The following SPAG1 variants were observed in gnomAD, a reference collection of about 807,000 sequenced individuals.
SPAG1 encodes the protein sperm-associated antigen 1.
In SPAG1, 69 loss-of-function variants were observed where a neutral mutation model predicts 100.5. The observed-to-expected ratio is 0.69, with a 90% CI of 0.57 to 0.84. SPAG1 has a LOEUF of 0.84. SPAG1 is among the 40% of genes least tolerant of loss of function. The pLI is 0.00. For missense variants in SPAG1, 955 were observed against 1,133.1 expected (o/e 0.84, Z 2.26); for synonymous variants, 336 against 411.6 (o/e 0.82, Z 2.22).
At chr8:100,159,928 GA>G (rs921979180) in intron 1 of SPAG1, among the ~76,000 whole-genome samples, 1 of 152,166 alleles carries the variant, frequency 6.6e-6, no homozygotes, top group Non-Finnish European at 1.5e-5. Context: ...TATCCTTTAT[GA>G]GAGAGGTTTT....
At chr8:100,207,592 C>T (rs971274948) in intron 10 of SPAG1, among the ~76,000 whole-genome samples, 1 of 152,188 alleles carries the variant, frequency 6.6e-6, no homozygotes, top group Non-Finnish European at 1.5e-5. Context: ...GAGAAATGGC[C>T]AGATGTGTGA....
At chr8:100,231,049 G>A in intron 14 of SPAG1, 107 bp from the exon 15 acceptor site, 1 of 913,376 alleles carries the variant, frequency 1.1e-6, no homozygotes, top group Non-Finnish European at 1.6e-6. Flanking sequence ...CCTGCATGCT[G>A]TGTGGTCAAG....
intron 14 of SPAG1, among the ~76,000 whole-genome samples, chr8:100,227,091 T>C (rs920463880): frequency 6.6e-6 from 1 of 152,254 alleles, no homozygotes; most frequent in Non-Finnish European, 1.5e-5. Context: ...TCTAGGTTTG[T>C]GTAACCACAC....
At chr8:100,220,542 C>A in intron 13 of SPAG1, 111 bp downstream of exon 13, 1 of 862,420 alleles carries the variant, frequency 1.2e-6, no homozygotes, top group Non-Finnish European at 1.8e-6. Flanking sequence ...ACTTTTATCA[C>A]CTGAATGATT....
In SPAG1 at chr8:100,233,470, C is replaced by G; in HGVS notation, c.2048C>G (p.Ala683Gly). The change falls in exon 16 of 19, where the codon GCA (alanine) becomes GGA (glycine). Residue 683 changes from alanine to glycine, a missense_variant. Coordinates refer to ENST00000388798, the MANE Select transcript of SPAG1 (RefSeq NM_003114.5). The stretch of plus-strand genomic sequence containing the variant: ...GAAGCAAAGCAGGACTGTGATCAGG[C>G]ACTTCAGCTAGCTGATGGGAACGTG... ...FEEAKQDCDQ[A>G]LQLADGNVKA... The G allele has an allele frequency of 6.2e-7, 1 of 1,614,000 alleles. No homozygotes were observed. The highest frequency in any genetic ancestry group is 8.5e-7 in the Non-Finnish European group (1 of 1,179,894).
In SPAG1 at chr8:100,187,159, TC is replaced by T; in HGVS notation, c.742del (p.Arg248GlufsTer24). On this transcript the variant is annotated frameshift_variant, in exon 8 of 19. Coordinates refer to ENST00000388798, the MANE Select transcript of SPAG1 (RefSeq NM_003114.5). LOFTEE classifies it high-confidence loss of function. Reference sequence around the variant, plus strand: ...TTCCCACTGTAGTTGCCTATAACAATCGAGCTCAAGCAGAAATCAAATTACA... The same window carrying T: ...TTCCCACTGTAGTTGCCTATAACAATGAGCTCAAGCAGAAATCAAATTACA... ...ALPTVVAYNNRAQAEIKLQNW... is the reference protein window; with the variant it reads ...ALPTVVAYNNXAQAEIKLQNW... The T allele has an allele frequency of 6.2e-7, 1 of 1,613,094 alleles. No homozygotes were observed. The highest frequency in any genetic ancestry group is 8.5e-7 in the Non-Finnish European group (1 of 1,179,422).
intron 16 of SPAG1, among the ~76,000 whole-genome samples, chr8:100,236,399 C>T (rs1217705111): frequency 6.6e-6 from 1 of 152,172 alleles, no homozygotes; most frequent in Non-Finnish European, 1.5e-5. Context: ...CCACTTTGGC[C>T]TCTCAAAATG....
At chr8:100,177,739 A>G in intron 3 of SPAG1, 77 bp from the exon 4 acceptor site, 1 of 859,166 alleles carries the variant, frequency 1.2e-6, no homozygotes, top group South Asian at 2.3e-5. Flanking sequence ...ATATTGTTCA[A>G]GGGTCAACTA....
chr8:100,203,129 G>A (rs1285077853), intron 10 of SPAG1, among the ~76,000 whole-genome samples: 1 of 152,168 alleles, frequency 6.6e-6, no homozygotes. Flanking sequence ...ATATAAGCAG[G>A]CAGAAAAACA....
At chr8:100,172,534 C>T (rs562246280) in intron 3 of SPAG1, among the ~76,000 whole-genome samples, 1 of 152,086 alleles carries the variant, frequency 6.6e-6, no homozygotes, top group African/African-American at 2.4e-5. Context: ...GCATGAGAAT[C>T]ACTTGAACCC....
intron 15 of SPAG1, among the ~76,000 whole-genome samples, chr8:100,232,320 C>T (rs1818812014): frequency 6.6e-6 from 1 of 152,024 alleles, no homozygotes; most frequent in Non-Finnish European, 1.5e-5. Context: ...CTTTTCTTTC[C>T]CTAGAATTCT....
intron 10 of SPAG1, among the ~76,000 whole-genome samples, chr8:100,207,357 C>T (rs531178295): frequency 1.3e-5 from 2 of 152,312 alleles, no homozygotes; most frequent in Non-Finnish European, 2.9e-5. Flanking sequence ...CCAGCCTGCA[C>T]CGATGGCCTC....
In SPAG1 at chr8:100,161,824, C is replaced by T. The variant is rs548253018; in HGVS notation, c.-2-455C>T. ...ATTAAAAGAAGTTAATCACTTATGTCTTTAGATGAATGCACGCTTACACAT... is the reference window on the plus strand; with the variant it reads ...ATTAAAAGAAGTTAATCACTTATGTTTTTAGATGAATGCACGCTTACACAT... On this transcript the variant is annotated intron_variant, in intron 1 of 18. Coordinates refer to ENST00000388798, the MANE Select transcript of SPAG1 (RefSeq NM_003114.5). Among the ~76,000 whole-genome samples, 110 of 152,318 alleles carry T rather than the reference C, an allele frequency of 7.2e-4. 1 individual carries two copies. The highest frequency in any genetic ancestry group is 2.5e-3 in the African/African-American group (105 of 41,556).
intron 14 of SPAG1, among the ~76,000 whole-genome samples, chr8:100,227,887 C>A (rs1233218943): frequency 1.7e-5 from 2 of 118,054 alleles, no homozygotes; most frequent in South Asian, 2.7e-4. Context: ...TGCTCTGTTG[C>A]GCAGGCTGGG....
At position 100,231,261 on chromosome 8, in the gene SPAG1, A is replaced by G. The variant is rs763758961; in HGVS notation, c.1961A>G (p.Asn654Ser). 3.1e-6 allele frequency: 5 copies of G among 1,596,482 alleles called. No homozygotes were observed. The highest frequency in any genetic ancestry group is 2.7e-5 in the African/African-American group (2 of 74,668). Residue 654 changes from asparagine (N) to serine (S), a missense_variant, in exon 15 of 19, where the codon AAT becomes AGT. Physicochemically the swap from Asn to Ser is conservative, Grantham distance 46. Coordinates refer to ENST00000388798, the MANE Select transcript of SPAG1 (RefSeq NM_003114.5). Reference protein sequence around the residue: ...SKYSECLKINNKECAIYTNRA... With the variant: ...SKYSECLKINSKECAIYTNRA... ...TACAGCGAATGCTTAAAGATTAACA[A>G]TAAGGAATGTGCCATATATACAAAC...
chr8:100,192,519 A>G (rs62532718), intron 9 of SPAG1, among the ~76,000 whole-genome samples: 24,297 of 152,178 alleles, frequency 0.16, 2,383 homozygotes, highest in South Asian at 0.23. Flanking sequence ...TCCAGAAAGA[A>G]GGTGGTTTAG....
At chr8:100,211,383 C>T (rs954670771) in intron 10 of SPAG1, among the ~76,000 whole-genome samples, 3 of 152,204 alleles carry the variant, frequency 2.0e-5, no homozygotes, top group Non-Finnish European at 4.4e-5. Flanking sequence ...TGGCTGGGCA[C>T]AGTGGCTCAT....
In SPAG1 at chr8:100,239,321, G is replaced by T; in HGVS notation, c.2197G>T (p.Glu733Ter). The T allele has an allele frequency of 6.4e-7, 1 of 1,570,622 alleles. No individual in the cohort carries two copies. Among genetic ancestry groups the T allele is most frequent in the African/African-American group, 1.4e-5 (1 of 72,458 alleles). ...TATTGAGGCAAAGATGGAACTGGAAGAGGTAACTAGACTCCTTAATCTTAA... is the reference window on the plus strand; with the variant it reads ...TATTGAGGCAAAGATGGAACTGGAATAGGTAACTAGACTCCTTAATCTTAA... Reference protein sequence around the residue: ...SIIEAKMELEEVTRLLNLKDK... With the variant: ...SIIEAKMELE The change falls in exon 17 of 19, where the codon GAG becomes TAG. Residue 733 changes from glutamate (E) to a stop codon, truncating the protein, a stop_gained. Coordinates refer to ENST00000388798, the MANE Select transcript of SPAG1 (RefSeq NM_003114.5). LOFTEE classifies it high-confidence loss of function. This position sits in a 1 kb window ranked among gnomAD's most constrained non-coding sequence, Gnocchi z 5.0.
rs903626847 is a variant in SPAG1, at chr8:100,199,950, C to CT, written c.1096+5692dup. 7.7e-3 allele frequency among the ~76,000 whole-genome samples: 1,132 copies of CT among 146,912 alleles called. 10 individuals carry two copies. The highest frequency in any genetic ancestry group is 0.025 in the African/African-American group (1,023 of 40,144). On this transcript the variant is annotated intron_variant, in intron 10 of 18. Transcript: ENST00000388798. Reference sequence around the variant, plus strand: ...TTTAGGGTGCAGCAACTCATTTTGACTTTTTTTTTTATTATACTTTAAGTT... The same window carrying CT: ...TTTAGGGTGCAGCAACTCATTTTGACTTTTTTTTTTTATTATACTTTAAGTT...
Sources: allele counts gnomAD v4.1 joint callset (sites outside exome capture counted in the v4.1 genomes callset), GRCh38; gene constraint gnomAD v4.1.1; non-coding constraint Gnocchi (gnomAD v3.1); transcripts MANE v1.5; gene names NCBI Gene and HGNC (gene_info 2026-07-23, HGNC 2026-07-21).